The following VWF variants were observed in gnomAD, a reference collection of about 807,000 sequenced individuals.
VWF encodes the protein von Willebrand factor.
Under a neutral mutation model 308.6 loss-of-function variants are expected in VWF, and 176 were observed. That is an observed-to-expected ratio of 0.57 (90% CI 0.50 to 0.65). The LOEUF (loss-of-function observed/expected upper bound fraction) is 0.65. VWF is among the 30% of genes least tolerant of loss of function. The pLI is 0.00. For missense variants in VWF, 3,146 were observed against 3,648.2 expected (o/e 0.86, Z 3.55); for synonymous variants, 1,385 against 1,443.4 (o/e 0.96, Z 0.92).
At chr12:6,072,203 C>G in intron 9 of VWF, 128 bp downstream of exon 9, 1 of 809,298 alleles carries the variant, frequency 1.2e-6, no homozygotes, top group Admixed American at 2.0e-5. Flanking sequence ...CCAGTAGCCT[C>G]CAACTCAGTC....
intron 6 of VWF, among the ~76,000 whole-genome samples, chr12:6,079,398 A>G (rs1159725709): frequency 2.0e-5 from 3 of 152,152 alleles, no homozygotes; most frequent in Non-Finnish European, 4.4e-5. Flanking sequence ...AGAGGTCAGG[A>G]GATCAAGACC....
At chr12:6,107,666 A>T (rs942849289) in intron 5 of VWF, among the ~76,000 whole-genome samples, 20 of 151,586 alleles carry the variant, frequency 1.3e-4, no homozygotes, top group African/African-American at 4.1e-4. Context: ...ATATATATAT[A>T]TATATTTTTT....
At chr12:6,015,359 A>G (rs1210348033) in intron 31 of VWF, among the ~76,000 whole-genome samples, 1 of 152,166 alleles carries the variant, frequency 6.6e-6, no homozygotes, top group South Asian at 2.1e-4. Flanking sequence ...AACGGAGCAA[A>G]TAACTTCCTC....
chr12:6,047,873 A>C (rs1944463848), intron 16 of VWF, among the ~76,000 whole-genome samples: 2 of 152,228 alleles, frequency 1.3e-5, no homozygotes, highest in Non-Finnish European at 1.5e-5. Context: ...CACCACAAAC[A>C]AAGCTGTGCT....
At chr12:5,989,310 C>T (rs190627817) in intron 38 of VWF, among the ~76,000 whole-genome samples, 3 of 152,126 alleles carry the variant, frequency 2.0e-5, no homozygotes, top group Non-Finnish European at 4.4e-5. Context: ...TAGTTTTATA[C>T]CCTAGTTTAT....
At chr12:6,057,520 T>TTATTAG (rs1944598179) in intron 14 of VWF, among the ~76,000 whole-genome samples, 1 of 144,574 alleles carries the variant, frequency 6.9e-6, no homozygotes, top group Admixed American at 6.9e-5. Flanking sequence ...ATTATTATTA[T>TTATTAG]TATTATTTTA....
At position 6,075,427 on chromosome 12, in the gene VWF, AG is replaced by A. The variant is rs1166840721; in HGVS notation, c.781del (p.Leu261TrpfsTer196). ...CAGGAGGGCAGGGCAGGCGCACTCC[AG>A]CCCCCCAGCACACTCACACAAAGTC... ...EKTLCECAGG[L>X]ECACPALLEY... On this transcript the variant is annotated frameshift_variant, in exon 7 of 52. Transcript: ENST00000261405. LOFTEE classifies it high-confidence loss of function. This position sits in a 1 kb window ranked among gnomAD's most constrained non-coding sequence, Gnocchi z 4.7. The A allele has an allele frequency of 6.2e-7, 1 of 1,614,168 alleles. No individual in the cohort carries two copies.
intron 18 of VWF, among the ~76,000 whole-genome samples, chr12:6,041,297 G>A (rs866081101): frequency 9.2e-5 from 14 of 151,758 alleles, no homozygotes; most frequent in South Asian, 6.3e-4. Flanking sequence ...GGGTGTGGTC[G>A]TGTGCGCCTG....
intron 20 of VWF, among the ~76,000 whole-genome samples, chr12:6,032,004 C>T (rs1372905196): frequency 6.6e-6 from 1 of 152,186 alleles, no homozygotes; most frequent in Non-Finnish European, 1.5e-5. Flanking sequence ...GGTTGAATCC[C>T]TCTGCACTGC....
chr12:6,043,498 CA>C (rs1565841350), intron 18 of VWF, among the ~76,000 whole-genome samples: 1 of 152,204 alleles, frequency 6.6e-6, no homozygotes, highest in African/African-American at 2.4e-5. Flanking sequence ...TTGGGGAAAA[CA>C]AGAAGACAGG....
At chr12:6,073,788 T>C (rs1035866001) in intron 7 of VWF, 47 bp from the exon 8 acceptor site, 1 of 1,612,102 alleles carries the variant, frequency 6.2e-7, no homozygotes, top group Non-Finnish European at 8.5e-7. Flanking sequence ...GTCCCACCGG[T>C]GCATCATCTC....
chr12:6,120,583 A>T (rs1353867029), intron 3 of VWF, among the ~76,000 whole-genome samples: 3 of 152,104 alleles, frequency 2.0e-5, no homozygotes, highest in African/African-American at 7.2e-5. Context: ...GATTACAGGC[A>T]TGAGCCACCG....
At chr12:5,950,296 C>T (rs1943170839) in intron 50 of VWF, among the ~76,000 whole-genome samples, 2 of 152,054 alleles carry the variant, frequency 1.3e-5, no homozygotes, top group Admixed American at 1.3e-4. Context: ...TTCATTCCTG[C>T]CTTGGGGTAA....
Position 6,103,465 on chromosome 12 carries a change from CACATATGTGTGTATAT to C in VWF, c.532+6893_532+6908del, listed in dbSNP as rs1945202297. 1.4e-4 allele frequency among the ~76,000 whole-genome samples: 7 copies of C among 51,308 alleles called. 1 individual carries two copies. Among genetic ancestry groups the C allele is most frequent in the African/African-American group, 8.8e-4 (6 of 6,838 alleles). 33.7% of individuals were successfully genotyped at this position (51,308 alleles called of 152,430 possible). Reference sequence around the variant, plus strand: ...ATACATACACATATATGTGTATATACACATATGTGTGTATATACATATATGTGTATACACACACGTA... The same window carrying C: ...ATACATACACATATATGTGTATATACACATATATGTGTATACACACACGTA... On this transcript the variant is annotated intron_variant, in intron 5 of 51. Coordinates refer to ENST00000261405, the MANE Select transcript of VWF (RefSeq NM_000552.5).
At chr12:5,982,025 G>T (rs114987940) in intron 41 of VWF, 34 bp from the exon 42 acceptor site, 1 of 1,598,352 alleles carries the variant, frequency 6.3e-7, no homozygotes, top group Admixed American at 1.7e-5. Context: ...TGAGCACTGC[G>T]CCCAGCCAGG....
intron 5 of VWF, among the ~76,000 whole-genome samples, chr12:6,103,471 T>TGC (rs1565391152): frequency 7.3e-5 from 1 of 13,668 alleles, no homozygotes; most frequent in South Asian, 8.1e-3. Context: ...TATACACATA[T>TGC]GTGTGTATAT....
At chr12:6,119,584 G>A (rs1945408211) in intron 3 of VWF, among the ~76,000 whole-genome samples, 1 of 152,208 alleles carries the variant, frequency 6.6e-6, no homozygotes, top group Non-Finnish European at 1.5e-5. Context: ...GGTGGCTCAT[G>A]CCTGTAATCC....
At position 5,962,538 on chromosome 12, in the gene VWF, C is replaced by CTTTT. The variant is rs35124526; in HGVS notation, c.7887+4944_7887+4947dup. ...TTGGTCCATACATACACAGGCAATTCTTTTTTTTTTTTTTTTTTTTTTTGA... is the reference window on the plus strand; with the variant it reads ...TTGGTCCATACATACACAGGCAATTCTTTTTTTTTTTTTTTTTTTTTTTTTTTGA... On this transcript the variant is annotated intron_variant, in intron 47 of 51. Coordinates refer to ENST00000261405, the MANE Select transcript of VWF (RefSeq NM_000552.5). Among the ~76,000 whole-genome samples, 687 of 101,576 alleles carry CTTTT rather than the reference C, an allele frequency of 6.8e-3. 14 individuals carry two copies. Among genetic ancestry groups the CTTTT allele is most frequent in the Non-Finnish European group, 9.7e-3 (490 of 50,764 alleles). The allele number at this position is 101,576 out of a possible 152,430, so 66.6% of individuals were successfully genotyped here.
At position 6,075,031 on chromosome 12, in the gene VWF, G is replaced by A. The variant is rs1944825741; in HGVS notation, c.874+304C>T. On this transcript the variant is annotated intron_variant, in intron 7 of 51. Transcript: ENST00000261405. This position sits in a 1 kb window ranked among gnomAD's most constrained non-coding sequence, Gnocchi z 4.7. ...AAACCGCAACTGCCAAGATCTTGGTGGGAAGCAGAGAACACTGTGTGAGTG... is the reference window on the plus strand; with the variant it reads ...AAACCGCAACTGCCAAGATCTTGGTAGGAAGCAGAGAACACTGTGTGAGTG... 6.6e-6 allele frequency among the ~76,000 whole-genome samples: 1 copy of A among 151,934 alleles called. No homozygotes were observed. The highest frequency in any genetic ancestry group is 1.5e-5 in the Non-Finnish European group (1 of 68,008).
Sources: allele counts gnomAD v4.1 joint callset (sites outside exome capture counted in the v4.1 genomes callset), GRCh38; gene constraint gnomAD v4.1.1; non-coding constraint Gnocchi (gnomAD v3.1); transcripts MANE v1.5; gene names NCBI Gene and HGNC (gene_info 2026-07-23, HGNC 2026-07-21).